The following OR9I1 variants were observed in gnomAD, a reference collection of about 807,000 sequenced individuals.
OR9I1 encodes the protein olfactory receptor family 9 subfamily I member 1, also known as olfactory receptor 9I1.
OR9I1 carries 7 observed loss-of-function variants against 11.2 expected under a neutral mutation model. The ratio of observed to expected loss-of-function variants is 0.62; its 90% confidence interval spans 0.36 to 1.17. OR9I1 has a LOEUF of 1.17. OR9I1 is among the 50% of genes most tolerant of loss of function. The pLI is 0.02. For missense variants in OR9I1, 428 were observed against 377.2 expected (o/e 1.13, Z -1.12); for synonymous variants, 165 against 153.4 (o/e 1.08, Z -0.56).
In OR9I1 at chr11:58,119,141, A is replaced by G. The variant is rs1853996181; in HGVS notation, c.304T>C (p.Phe102Leu). The change falls in exon 3 of 3, where the codon TTT (phenylalanine) becomes CTT (leucine). Residue 102 changes from phenylalanine (F) to leucine (L), a missense_variant. Transcript: ENST00000641439. The part of the protein sequence containing the change: ...ISYGHCAAQF[F>L]LFTICAGTEC... ...GTGCCTGCACAGATGGTGAATAAAA[A>G]GAACTGGGCAGCACAGTGGCCGTAG... 2.5e-6 allele frequency: 4 copies of G among 1,613,912 alleles called. No homozygotes were observed. In the Admixed American group the frequency reaches 6.7e-5, roughly 27 times the overall value.
chr11:58,125,135 C>T (rs992166806), intron 1 of OR9I1, 139 bp downstream of exon 1: 2 of 151,944 alleles, frequency 1.3e-5, no homozygotes, highest in African/African-American at 4.8e-5. Flanking sequence ...GCTCTGCAGT[C>T]TAGTACCACG....
intron 2 of OR9I1, 79 bp from the exon 3 acceptor site, chr11:58,119,545 T>C (rs1854004546): frequency 2.6e-6 from 2 of 767,356 alleles, no homozygotes; most frequent in Non-Finnish European, 2.1e-6. Context: ...GTTTTGGTTT[T>C]AATTCTGGGT....
At chr11:58,123,219 A>G (rs1374178916) in intron 2 of OR9I1, among the ~76,000 whole-genome samples, 1 of 152,174 alleles carries the variant, frequency 6.6e-6, no homozygotes, top group Non-Finnish European at 1.5e-5. Context: ...TCAGCTATAA[A>G]TTTGTTTTGT....
At chr11:58,120,171 T>G (rs1255196793) in intron 2 of OR9I1, among the ~76,000 whole-genome samples, 1 of 152,188 alleles carries the variant, frequency 6.6e-6, no homozygotes, top group African/African-American at 2.4e-5. Flanking sequence ...GCATTTTATA[T>G]TTTTTAGTTA....
rs2120124509 is a variant in OR9I1, at chr11:58,117,963, A to G, written c.*537T>C. 1 of 152,538 alleles carries G rather than the reference A, an allele frequency of 6.6e-6. No individual in the cohort carries two copies. Among genetic ancestry groups the G allele is most frequent in the Admixed American group, 6.5e-5 (1 of 15,294 alleles). The allele number at this position is 152,538 out of a possible 1,614,324, so 9.4% of individuals were successfully genotyped here. A position where few individuals can be genotyped will look rare whatever the true frequency, so the allele number is the denominator to read the frequency against. On this transcript the variant is annotated 3_prime_UTR_variant, in exon 3 of 3. Coordinates refer to ENST00000641439, the MANE Select transcript of OR9I1 (RefSeq NM_001005211.2). ...AAGTCTCTTCTGAAGAGAGAAGTTC[A>G]TTTCTCAAACTTCCTTCCCTTGGCC...
Position 58,118,395 on chromosome 11 carries a change from G to C in OR9I1, c.*105C>G. ...GTGTGCCTGGTGGTACCTATCTTCTGTCTTCTCTGTTTGTGGGTATAGGTT... is the reference window on the plus strand; with the variant it reads ...GTGTGCCTGGTGGTACCTATCTTCTCTCTTCTCTGTTTGTGGGTATAGGTT... On this transcript the variant is annotated 3_prime_UTR_variant, in exon 3 of 3. Transcript: ENST00000641439. 1.4e-6 allele frequency: 1 copy of C among 738,886 alleles called. No individual in the cohort carries two copies. Among genetic ancestry groups the C allele is most frequent in the African/African-American group, 1.7e-5 (1 of 57,336 alleles). 45.8% of individuals were successfully genotyped at this position (738,886 alleles called of 1,614,324 possible). A position where few individuals can be genotyped will look rare whatever the true frequency, so the allele number is the denominator to read the frequency against.
Position 58,119,389 on chromosome 11 carries a change from T to C in OR9I1, c.56A>G (p.Asp19Gly). ...VTEFILMGFM[D>G]HPKLEIPLFL... ...GAGGGGAATCTCCAATTTGGGGTGG[T>C]CCATAAAGCCCATGAGAATGAATTC... is the stretch of plus-strand genomic sequence containing the variant. Residue 19 changes from aspartate (D) to glycine (G), a missense_variant, in exon 3 of 3, where the codon GAC becomes GGC. Transcript: ENST00000641439. 4 of 1,613,820 alleles carry C rather than the reference T, an allele frequency of 2.5e-6. No homozygotes were observed. The highest frequency in any genetic ancestry group is 3.4e-6 in the Non-Finnish European group (4 of 1,179,816).
rs1437287281 is a variant in OR9I1 at position 58,118,511 on chromosome 11, G to A, written c.934C>T (p.Leu312=). The A allele has an allele frequency of 6.3e-7, 1 of 1,595,974 alleles. No homozygotes were observed. Among genetic ancestry groups the A allele is most frequent in the African/African-American group, 1.4e-5 (1 of 73,982 alleles). The change falls in exon 3 of 3, where the codon CTG becomes TTG. Residue 312 remains leucine (L), a synonymous_variant. Coordinates refer to ENST00000641439, the MANE Select transcript of OR9I1 (RefSeq NM_001005211.2). ...RKVARRLQVS[L]SM The stretch of plus-strand genomic sequence containing the variant: ...CCTCTTACTTAGATCTACATGCTCA[G>A]GGACACCTGGAGTCTCCTAGCGACC...
rs1258402523 is a variant in OR9I1, at chr11:58,118,032, T to G, written c.*468A>C. The G allele has an allele frequency of 6.5e-6, 1 of 153,014 alleles. No homozygotes were observed. Among genetic ancestry groups the G allele is most frequent in the Non-Finnish European group, 1.5e-5 (1 of 68,758 alleles). 9.5% of individuals were successfully genotyped at this position (153,014 alleles called of 1,614,324 possible). ...TCCTTATACAATACTCCCTGCTTAG[T>G]GAGGTGATCAGTCCTTCATATTAAA... On this transcript the variant is annotated 3_prime_UTR_variant, in exon 3 of 3. Coordinates refer to ENST00000641439, the MANE Select transcript of OR9I1 (RefSeq NM_001005211.2).
At chr11:58,120,802 CCATATA>C (rs1433972298) in intron 2 of OR9I1, among the ~76,000 whole-genome samples, 1 of 72,950 alleles carries the variant, frequency 1.4e-5, no homozygotes, top group Non-Finnish European at 2.6e-5. Context: ...TATTTCAATA[CCATATA>C]TATATATATA....
At chr11:58,120,806 A>G (rs1321376243) in intron 2 of OR9I1, among the ~76,000 whole-genome samples, 1 of 72,648 alleles carries the variant, frequency 1.4e-5, no homozygotes, top group Non-Finnish European at 3.2e-5. Flanking sequence ...TCAATACCAT[A>G]TATATATATA....
rs1853970012 is a variant in OR9I1, at chr11:58,117,648, G to A, written c.*852C>T. On this transcript the variant is annotated 3_prime_UTR_variant, in exon 3 of 3. Coordinates refer to ENST00000641439, the MANE Select transcript of OR9I1 (RefSeq NM_001005211.2). Reference sequence around the variant, plus strand: ...GGTTCAGTTGTCTTTCTATTTATCTGTTGGTGCTCTCTGATTTGCTCTTCC... The same window carrying A: ...GGTTCAGTTGTCTTTCTATTTATCTATTGGTGCTCTCTGATTTGCTCTTCC... 6.6e-6 allele frequency: 1 copy of A among 152,178 alleles called. No individual in the cohort carries two copies. The highest frequency in any genetic ancestry group is 2.4e-5 in the African/African-American group (1 of 41,412). 9.4% of individuals were successfully genotyped at this position (152,178 alleles called of 1,614,324 possible).
At position 58,119,433 on chromosome 11, in the gene OR9I1, A is replaced by T. The variant is rs535325972; in HGVS notation, c.12T>A (p.Asn4Lys). The part of the protein sequence containing the change: MAK[N>K]NLTRVTEFIL... Reference sequence around the variant, plus strand: ...TGAATTCGGTTACTCTGGTGAGATTATTCTTGGCCATGGAGACAATGTGGA... The same window carrying T: ...TGAATTCGGTTACTCTGGTGAGATTTTTCTTGGCCATGGAGACAATGTGGA... Residue 4 changes from asparagine to lysine, a missense_variant, in exon 3 of 3, where the codon AAT becomes AAA. Transcript: ENST00000641439. The T allele has an allele frequency of 1.2e-6, 2 of 1,602,978 alleles. No individual in the cohort carries two copies. The highest frequency in any genetic ancestry group is 3.4e-5 in the Admixed American group (2 of 59,492).
intron 2 of OR9I1, among the ~76,000 whole-genome samples, chr11:58,120,336 A>T (rs1565082097): frequency 6.6e-6 from 1 of 152,192 alleles, no homozygotes; most frequent in African/African-American, 2.4e-5. Flanking sequence ...AAGTTCATAC[A>T]TTCATAAAAT....
In OR9I1 at chr11:58,124,510, A is replaced by G. The variant is rs1854069381; in HGVS notation, c.-95T>C. 6.6e-6 allele frequency: 1 copy of G among 152,130 alleles called. No homozygotes were observed. Among genetic ancestry groups the G allele is most frequent in the Non-Finnish European group, 1.5e-5 (1 of 68,032 alleles). 9.4% of individuals were successfully genotyped at this position (152,130 alleles called of 1,614,324 possible). On this transcript the variant is annotated 5_prime_UTR_variant, in exon 2 of 3. Coordinates refer to ENST00000641439, the MANE Select transcript of OR9I1 (RefSeq NM_001005211.2). Reference sequence around the variant, plus strand: ...TTGAGTCCCTTGGGGAGGGTGAAGGAGCTCAACAAAGTTAATGTTTCTCAC... The same window carrying G: ...TTGAGTCCCTTGGGGAGGGTGAAGGGGCTCAACAAAGTTAATGTTTCTCAC...
rs758346013 is a variant in OR9I1, at chr11:58,119,473, A to G, written c.-22-7T>C. On this transcript the variant is annotated splice_polypyrimidine_tract_variant and splice_region_variant and intron_variant, in intron 2 of 2. Transcript: ENST00000641439. ...GACAATGTGGACTGTTGGTCTGAGG[A>G]TGATAATGAAATAAAAAGAATCTCA... 6 of 1,332,486 alleles carry G rather than the reference A, an allele frequency of 4.5e-6. No homozygotes were observed. The Admixed American group carries it at 6.4e-5, about 14-fold the overall frequency. 82.5% of individuals were successfully genotyped at this position (1,332,486 alleles called of 1,614,324 possible).
Position 58,119,261 on chromosome 11 carries a change from A to G in OR9I1, c.184T>C (p.Phe62Leu). The G allele has an allele frequency of 1.2e-6, 2 of 1,614,030 alleles. No individual in the cohort carries two copies. Among genetic ancestry groups the G allele is most frequent in the South Asian group, 2.2e-5 (2 of 91,070 alleles). The change falls in exon 3 of 3, where the codon TTC becomes CTC. Residue 62 changes from phenylalanine (F) to leucine (L), a missense_variant. Coordinates refer to ENST00000641439, the MANE Select transcript of OR9I1 (RefSeq NM_001005211.2). The part of the protein sequence containing the change: ...DVKLYTPMYF[F>L]LSHLSLLDAC... ...TCCAGCAGGGAGAGGTGGCTCAGGAAGAAGTACATTGGGGTGTAGAGTTTG... is the reference window on the plus strand; with the variant it reads ...TCCAGCAGGGAGAGGTGGCTCAGGAGGAAGTACATTGGGGTGTAGAGTTTG...
Position 58,118,604 on chromosome 11 carries a change from C to G in OR9I1, c.841G>C (p.Val281Leu). The G allele has an allele frequency of 6.2e-7, 1 of 1,613,954 alleles. No homozygotes were observed. The highest frequency in any genetic ancestry group is 1.1e-5 in the South Asian group (1 of 91,056). Reference sequence around the variant, plus strand: ...ATCAGAGGGTTCAGCATGGGGATGACCACTGTATAGAAGACAGACACGACT... The same window carrying G: ...ATCAGAGGGTTCAGCATGGGGATGAGCACTGTATAGAAGACAGACACGACT... ...DKVVSVFYTV[V>L]IPMLNPLIYS... The change falls in exon 3 of 3, where the codon GTC (valine) becomes CTC (leucine). Residue 281 changes from valine (V) to leucine (L), a missense_variant. Transcript: ENST00000641439.
intron 2 of OR9I1, 145 bp downstream of exon 2, chr11:58,124,292 AG>A (rs1425045309): frequency 6.6e-5 from 10 of 152,188 alleles, no homozygotes; most frequent in Non-Finnish European, 1.3e-4. Flanking sequence ...GAACATTTAT[AG>A]GTTGATATTA....
Sources: allele counts gnomAD v4.1 joint callset (sites outside exome capture counted in the v4.1 genomes callset), GRCh38; gene constraint gnomAD v4.1.1; transcripts MANE v1.5; gene names NCBI Gene and HGNC (gene_info 2026-07-23, HGNC 2026-07-21).